TENM2: variants seen among roughly 807,000 people sequenced by gnomAD.
TENM2 encodes teneurin-2.
A neutral mutation model predicts 245.2 loss-of-function variants in TENM2; 52 were observed. The observed-to-expected ratio is 0.21, with a 90% CI of 0.17 to 0.27. The LOEUF (loss-of-function observed/expected upper bound fraction) is 0.27, where lower values mean the gene tolerates loss of function less well. TENM2 is among the 10% of genes least tolerant of loss of function. The pLI is 1.00. For synonymous variants in TENM2, 1,363 were observed against 1,438.9 expected, an observed-to-expected ratio of 0.95 and a Z score of 1.19; for missense variants, 3,046 against 3,666.8, an observed-to-expected ratio of 0.83 and a Z score of 4.37.
intron 9 of TENM2, 54 bp from the exon 12 acceptor site, chr5:168,118,238 G>GC (rs1795222615): frequency 2.1e-6 from 3 of 1,404,902 alleles, no homozygotes; most frequent in Non-Finnish European, 2.9e-6. Flanking sequence ...GACTGCCATA[G>GC]CCCCTCGGAT....
chr5:167,664,975 T>G lies in TENM2; in HGVS notation c.503-211011T>G, dbSNP rs13185096. Among the ~76,000 whole-genome samples, 671 of 152,340 alleles carry G rather than the reference T, an allele frequency of 4.4e-3. 3 individuals are homozygous for G. Among genetic ancestry groups the G allele is most frequent in the Non-Finnish European group, 7.8e-3 (529 of 68,028 alleles). ...AGTCAGGACATGGGCTAAATAACCC[T>G]GAAGTCCTTTTAAAATATGATTTCA... On this transcript the variant is annotated intron_variant, in intron 2 of 28. Transcript: ENST00000518659.
intron 4 of TENM2, among the ~76,000 whole-genome samples, chr5:167,985,052 C>T (rs1783132538): frequency 6.6e-6 from 1 of 152,212 alleles, no homozygotes; most frequent in Non-Finnish European, 1.5e-5. Context: ...TTACATGCTA[C>T]AGTACCCTTT....
At chr5:167,658,248 C>T (rs1207627100) in intron 2 of TENM2, among the ~76,000 whole-genome samples, 1 of 149,702 alleles carries the variant, frequency 6.7e-6, no homozygotes, top group East Asian at 2.0e-4. Flanking sequence ...TCACTCTTGT[C>T]GCCCAGGCTG....
At chr5:167,975,883 A>G (rs1438436033) in intron 4 of TENM2, among the ~76,000 whole-genome samples, 5 of 151,180 alleles carry the variant, frequency 3.3e-5, no homozygotes, top group Non-Finnish European at 7.4e-5. Flanking sequence ...AAATTGCTAT[A>G]CACAGTTGAT....
At chr5:167,953,209 A>T (rs1394802011) in intron 4 of TENM2, among the ~76,000 whole-genome samples, 1 of 152,208 alleles carries the variant, frequency 6.6e-6, no homozygotes, top group Non-Finnish European at 1.5e-5. Flanking sequence ...ATTTGAAATT[A>T]AGTGTTTGGG....
the TENM2 span, among the ~76,000 whole-genome samples, chr5:167,073,483 T>C: frequency 2.0e-5 from 3 of 152,208 alleles, no homozygotes; most frequent in Non-Finnish European, 2.9e-5. Flanking sequence ...AAAAGGATTT[T>C]CTTTTTCTTA....
chr5:168,211,645 AC>A, intron 19 of TENM2, 88 bp from the exon 22 acceptor site: 1 of 876,496 alleles, frequency 1.1e-6, no homozygotes, highest in East Asian at 2.8e-5. Context: ...GCCCCTTTAT[AC>A]AAGAAACAAA....
rs915573496 is a variant in TENM2 at position 167,876,155 on chromosome 5, G to T, written c.672G>T (p.Leu224=). ...AGGAATTCTCCCCCAATTCATACCT[G>T]CTCAGAGCATGCTCAGGGCCCCAGC... The change falls in exon 3 of 29, where the codon CTG becomes CTT. Residue 224 remains leucine, a synonymous_variant. Transcript: ENST00000518659. 9.7e-6 allele frequency: 15 copies of T among 1,551,452 alleles called. No homozygotes were observed. The African/African-American group carries it at 1.9e-4, about 20-fold the overall frequency.
chr5:167,531,045 A>T (rs1044409779), intron 2 of TENM2, among the ~76,000 whole-genome samples: 4 of 152,204 alleles, frequency 2.6e-5, no homozygotes, highest in Admixed American at 2.6e-4. Flanking sequence ...CTGCCTTCAA[A>T]TGAATGACAC....
chr5:168,227,538 GT>G (rs1307953572), intron 24 of TENM2, among the ~76,000 whole-genome samples: 1 of 145,356 alleles, frequency 6.9e-6, no homozygotes, highest in Admixed American at 6.8e-5. Context: ...TTTTTTCCTG[GT>G]ATAAGCTAAA....
At chr5:168,076,634 T>C (rs1212137801) in intron 7 of TENM2, among the ~76,000 whole-genome samples, 2 of 152,220 alleles carry the variant, frequency 1.3e-5, no homozygotes, top group African/African-American at 4.8e-5. Flanking sequence ...TTCACTGCTG[T>C]ATCCCCAGTA....
At chr5:168,203,978 C>T (rs1433210147) in intron 18 of TENM2, 146 bp downstream of exon 20, 2 of 505,350 alleles carry the variant, frequency 4.0e-6, no homozygotes, top group East Asian at 6.6e-5. Flanking sequence ...ATTTTCCTAC[C>T]TTCTTCTTTT....
chr5:168,139,512 A>G, intron 12 of TENM2: 1 of 456,500 alleles, frequency 2.2e-6, no homozygotes, highest in Non-Finnish European at 4.4e-6. Context: ...GAAGTGAGAG[A>G]AACCAGTTCT....
intron 2 of TENM2, among the ~76,000 whole-genome samples, chr5:167,782,762 T>C (rs1764285577): frequency 6.6e-6 from 1 of 152,188 alleles, no homozygotes; most frequent in Non-Finnish European, 1.5e-5. Context: ...ATTAGTAGCT[T>C]TTAATTTTCC....
At chr5:167,481,193 T>C (rs1251124487) in intron 2 of TENM2, among the ~76,000 whole-genome samples, 1 of 152,210 alleles carries the variant, frequency 6.6e-6, no homozygotes, top group Non-Finnish European at 1.5e-5. Context: ...TGGTTGCTGC[T>C]GAAGTTTACA....
intron 2 of TENM2, among the ~76,000 whole-genome samples, chr5:167,553,154 A>G (rs1773064956): frequency 6.6e-6 from 1 of 152,234 alleles, no homozygotes; most frequent in Non-Finnish European, 1.5e-5. Context: ...GAAACGAGTC[A>G]TGTGCTGAAA....
intron 2 of TENM2, among the ~76,000 whole-genome samples, chr5:167,378,379 T>TTC (rs10691870): frequency 0.43 from 47,362 of 109,854 alleles, 8,136 homozygotes; most frequent in African/African-American, 0.58. Context: ...TTTCTTCTTC[T>TTC]TTTTTTTTTT....
the TENM2 span, among the ~76,000 whole-genome samples, chr5:167,179,318 T>C: frequency 6.6e-6 from 1 of 152,248 alleles, no homozygotes; most frequent in Non-Finnish European, 1.5e-5. Flanking sequence ...AGGCTTTTCC[T>C]TTCATTGTAC....
the TENM2 span, among the ~76,000 whole-genome samples, chr5:167,216,136 T>C: frequency 6.6e-6 from 1 of 151,350 alleles, no homozygotes; most frequent in Non-Finnish European, 1.5e-5. Context: ...TTGCTCAATG[T>C]CATACACCTA....
Sources: gnomAD v4.1 joint callset for allele counts (sites outside exome capture counted in the v4.1 genomes callset) on GRCh38, gnomAD v4.1.1 for gene constraint, MANE v1.5 for transcripts, NCBI Gene and HGNC (gene_info 2026-07-23, HGNC 2026-07-21) for gene names.